The following PARD3 variants were observed in gnomAD, a reference collection of about 807,000 sequenced individuals.
The protein encoded by PARD3 is partitioning defective 3 homolog.
A neutral mutation model predicts 155.4 loss-of-function variants in PARD3; 75 were observed. The observed-to-expected ratio is 0.48, with a 90% CI of 0.40 to 0.58. The LOEUF is 0.58. PARD3 is among the 20% of genes least tolerant of loss of function. PARD3 has a pLI of 0.00. For synonymous variants in PARD3, 576 were observed against 610.5 expected, an observed-to-expected ratio of 0.94 and a Z score of 0.83; for missense variants, 1,642 against 1,721.7, an observed-to-expected ratio of 0.95 and a Z score of 0.82.
At chr10:34,651,185 T>C (rs988713922) in intron 2 of PARD3, among the ~76,000 whole-genome samples, 1 of 152,170 alleles carries the variant, frequency 6.6e-6, no homozygotes, top group Admixed American at 6.5e-5. Context: ...GGTCCCAGCA[T>C]CACTTTGACA....
At chr10:34,325,703 T>C (rs1165061133) in intron 19 of PARD3, among the ~76,000 whole-genome samples, 3 of 152,212 alleles carry the variant, frequency 2.0e-5, no homozygotes, top group African/African-American at 4.8e-5. Flanking sequence ...TTTAGCGCAA[T>C]GGGCTTTCTG....
intron 12 of PARD3, 75 bp downstream of exon 12, chr10:34,372,423 G>C: frequency 1.8e-6 from 2 of 1,090,700 alleles, no homozygotes; most frequent in South Asian, 2.5e-5. Flanking sequence ...AAGTAACTTC[G>C]TATTAAATTA....
At chr10:34,246,669 T>C (rs1953968898) in intron 22 of PARD3, among the ~76,000 whole-genome samples, 1 of 149,192 alleles carries the variant, frequency 6.7e-6, no homozygotes, top group Admixed American at 6.6e-5. Context: ...AGAACAACTT[T>C]TGTGAAAAGA....
At chr10:34,690,401 T>C (rs770033933) in intron 2 of PARD3, among the ~76,000 whole-genome samples, 1 of 152,182 alleles carries the variant, frequency 6.6e-6, no homozygotes, top group Non-Finnish European at 1.5e-5. Context: ...ATCTACATCA[T>C]GATGTTCTAC....
At chr10:34,234,351 C>T (rs1003984685) in intron 22 of PARD3, among the ~76,000 whole-genome samples, 1 of 152,184 alleles carries the variant, frequency 6.6e-6, no homozygotes, top group Admixed American at 6.5e-5. Context: ...CTATATGGCT[C>T]CCTATGACAT....
intron 2 of PARD3, among the ~76,000 whole-genome samples, chr10:34,561,081 A>C (rs2085430352): frequency 6.6e-6 from 1 of 152,166 alleles, no homozygotes; most frequent in South Asian, 2.1e-4. Flanking sequence ...TCTAATCTTG[A>C]GAAGGGGAGA....
chr10:34,161,147 A>G (rs187223880), intron 22 of PARD3, among the ~76,000 whole-genome samples: 1 of 150,462 alleles, frequency 6.6e-6, no homozygotes, highest in African/African-American at 2.4e-5. Context: ...TGGGAGGCTG[A>G]GATGGGAGGA....
At chr10:34,605,142 C>T (rs2090123788) in intron 2 of PARD3, among the ~76,000 whole-genome samples, 1 of 148,508 alleles carries the variant, frequency 6.7e-6, no homozygotes, top group Admixed American at 6.7e-5. Flanking sequence ...GTCAACTACA[C>T]TAGGTATGCC....
intron 2 of PARD3, chr10:34,676,001 A>ACAAC (rs1484122211): frequency 6.5e-6 from 1 of 152,910 alleles, no homozygotes; most frequent in Non-Finnish European, 1.5e-5. Context: ...AGCAGTGTTA[A>ACAAC]CAACCATCAC....
At chr10:34,573,835 T>TGC (rs2086669749) in intron 2 of PARD3, among the ~76,000 whole-genome samples, 1 of 151,676 alleles carries the variant, frequency 6.6e-6, no homozygotes, top group Non-Finnish European at 1.5e-5. Context: ...GCACACACTC[T>TGC]TCATACAATG....
Position 34,296,823 on chromosome 10 carries a change from T to A in PARD3, c.3066-12578A>T, listed in dbSNP as rs191534805. 8.3e-4 allele frequency among the ~76,000 whole-genome samples: 127 copies of A among 152,284 alleles called. 1 individual carries two copies. Among genetic ancestry groups the A allele is most frequent in the Admixed American group, 8.2e-3 (126 of 15,288 alleles). On this transcript the variant is annotated intron_variant, in intron 20 of 24. Coordinates refer to ENST00000374788, the MANE Select transcript of PARD3 (RefSeq NM_001184785.2). Reference sequence around the variant, plus strand: ...AATACTTTGGGGGATAATTTCAAAGTAATCACAAGAGAGTTAGGCACCATG... The same window carrying A: ...AATACTTTGGGGGATAATTTCAAAGAAATCACAAGAGAGTTAGGCACCATG...
chr10:34,175,286 T>C (rs1172192705), intron 22 of PARD3, among the ~76,000 whole-genome samples: 3 of 152,238 alleles, frequency 2.0e-5, no homozygotes, highest in Non-Finnish European at 4.4e-5. Flanking sequence ...AGATATTAAT[T>C]TCAGTTTTGC....
chr10:34,728,463 A>G (rs1019916977), intron 1 of PARD3, among the ~76,000 whole-genome samples: 4 of 152,210 alleles, frequency 2.6e-5, no homozygotes, highest in African/African-American at 7.2e-5. Flanking sequence ...CAGGAAAAAA[A>G]ACACCAAACC....
intron 12 of PARD3, 151 bp downstream of exon 12, chr10:34,372,347 A>G: frequency 1.6e-6 from 1 of 639,250 alleles, no homozygotes; most frequent in Admixed American, 2.5e-5. Flanking sequence ...GTCACCTTAA[A>G]ATAAGACCAC....
intron 5 of PARD3, among the ~76,000 whole-genome samples, chr10:34,438,321 T>C (rs1008927698): frequency 1.3e-5 from 2 of 152,166 alleles, no homozygotes; most frequent in Non-Finnish European, 2.9e-5. Context: ...TCTTGGTCCT[T>C]TAGTTTATAA....
chr10:34,431,794 A>AATGCCTGT (rs2075923195), intron 5 of PARD3, among the ~76,000 whole-genome samples: 1 of 148,672 alleles, frequency 6.7e-6, no homozygotes, highest in South Asian at 2.1e-4. Context: ...TCATGCCTGT[A>AATGCCTGT]ATCCCAGCAG....
intron 2 of PARD3, among the ~76,000 whole-genome samples, chr10:34,630,658 T>C (rs939851267): frequency 2.0e-5 from 3 of 151,596 alleles, no homozygotes; most frequent in African/African-American, 7.3e-5. Context: ...ACCATGTTGG[T>C]GTCTCAAACT....
rs746767182 is a variant in PARD3 at position 34,111,286 on chromosome 10, G to A, written c.3945C>T (p.Asp1315=). The part of the protein sequence containing the change: ...SNYDSYKKVQ[D]PSYAPPKGPF... Reference sequence around the variant, plus strand: ...GCCCCTTGGGAGGGGCGTAACTGGGGTCCTGGACTTTCTTATACGAGTCAT... The same window carrying A: ...GCCCCTTGGGAGGGGCGTAACTGGGATCCTGGACTTTCTTATACGAGTCAT... The change falls in exon 25 of 25, where the codon GAC becomes GAT. Residue 1315 remains aspartate, a synonymous_variant. Coordinates refer to ENST00000374788, the MANE Select transcript of PARD3 (RefSeq NM_001184785.2). 9.3e-6 allele frequency: 15 copies of A among 1,613,950 alleles called. No individual in the cohort carries two copies. The highest frequency in any genetic ancestry group is 4.0e-5 in the African/African-American group (3 of 74,936).
chr10:34,358,676 C>T (rs1307889669), intron 14 of PARD3, among the ~76,000 whole-genome samples: 1 of 152,140 alleles, frequency 6.6e-6, no homozygotes, highest in Non-Finnish European at 1.5e-5. Flanking sequence ...ATGGTCAACA[C>T]AGTGAGATCC....
Sources: allele counts gnomAD v4.1 joint callset (sites outside exome capture counted in the v4.1 genomes callset), GRCh38; gene constraint gnomAD v4.1.1; transcripts MANE v1.5; gene names NCBI Gene and HGNC (gene_info 2026-07-23, HGNC 2026-07-21).